The following SEPHS1 variants were observed in gnomAD, a reference collection of about 807,000 sequenced individuals.
SEPHS1 encodes selenophosphate synthetase 1.
A neutral mutation model predicts 39.2 loss-of-function variants in SEPHS1; 7 were observed. The ratio of observed to expected loss-of-function variants is 0.18; its 90% confidence interval spans 0.10 to 0.34. The LOEUF (loss-of-function observed/expected upper bound fraction) is 0.34. Among genes scored for constraint, SEPHS1 ranks in the 10% least tolerant of loss-of-function variants. SEPHS1 has a pLI of 1.00. For missense variants in SEPHS1, 253 were observed against 514.5 expected, an observed-to-expected ratio of 0.49 and a Z score of 4.92; for synonymous variants, 190 against 195.5, an observed-to-expected ratio of 0.97 and a Z score of 0.23.
intron 2 of SEPHS1, among the ~76,000 whole-genome samples, chr10:13,344,202 T>C (rs922065162): frequency 6.6e-6 from 1 of 152,056 alleles, no homozygotes; most frequent in Non-Finnish European, 1.5e-5. Flanking sequence ...GCCATCCAAG[T>C]ACAGCACAAG....
chr10:13,325,895 CAAAAAAAAAAAAAAAAAA>C lies in SEPHS1; in HGVS notation c.751+2438_751+2455del, dbSNP rs562038894. Among the ~76,000 whole-genome samples the C allele has an allele frequency of 4.2e-3, 111 of 26,430 alleles. 1 individual carries two copies. Among genetic ancestry groups the C allele is most frequent in the African/African-American group, 0.015 (71 of 4,758 alleles). 17.3% of individuals were successfully genotyped at this position (26,430 alleles called of 152,430 possible). On this transcript the variant is annotated intron_variant, in intron 7 of 8. Coordinates refer to ENST00000327347, the MANE Select transcript of SEPHS1 (RefSeq NM_012247.5). ...CCTGGGCGACAGCGAGACTCCGTCT[CAAAAAAAAAAAAAAAAAA>C]AAAAAAAAAAAAAAAAAAAAGAGAC... is the stretch of plus-strand genomic sequence containing the variant.
At chr10:13,345,667 G>T (rs985702463) in intron 1 of SEPHS1, among the ~76,000 whole-genome samples, 3 of 152,182 alleles carry the variant, frequency 2.0e-5, no homozygotes, top group Admixed American at 6.5e-5. Flanking sequence ...TGGATCACCT[G>T]AAGTCAGGAC....
At chr10:13,329,656 G>T in intron 6 of SEPHS1, 42 bp downstream of exon 6, 3 of 1,448,436 alleles carry the variant, frequency 2.1e-6, no homozygotes, top group Non-Finnish European at 2.9e-6. Flanking sequence ...ACCTGCAAAC[G>T]TACCATTCCC....
intron 7 of SEPHS1, among the ~76,000 whole-genome samples, chr10:13,325,847 G>A (rs1316425602): frequency 7.8e-6 from 1 of 127,882 alleles, no homozygotes; most frequent in African/African-American, 2.8e-5. Flanking sequence ...GCAGTGAGCC[G>A]AGATCACCCC....
In SEPHS1 at chr10:13,338,800, T is replaced by A; in HGVS notation, c.202A>T (p.Met68Leu). 1 of 1,613,042 alleles carries A rather than the reference T, an allele frequency of 6.2e-7. No individual in the cohort carries two copies. Among genetic ancestry groups the A allele is most frequent in the Non-Finnish European group, 8.5e-7 (1 of 1,178,980 alleles). ...CTCAAAGGAATGACACAAGTATCCA[T>A]TCCAATGCCTGTGGAGATGGAAGTC... ...GAVMPRLGIG[M>L]DTCVIPLRHG... The change falls in exon 3 of 9, where the codon ATG becomes TTG. Residue 68 changes from methionine to leucine, a missense_variant. Around this residue, in one of 4 missense-constraint regions of SEPHS1, gnomAD observed 123 missense variants for 196.8 expected, o/e 0.62. Transcript: ENST00000327347.
chr10:13,344,153 C>T (rs780338896), intron 2 of SEPHS1, among the ~76,000 whole-genome samples: 1 of 152,132 alleles, frequency 6.6e-6, no homozygotes, highest in Non-Finnish European at 1.5e-5. Context: ...GCCCGATGCA[C>T]CCTGCAGAGA....
chr10:13,328,611 T>C (rs539029638), intron 6 of SEPHS1, among the ~76,000 whole-genome samples, 161 bp from the exon 7 acceptor site: 1 of 152,346 alleles, frequency 6.6e-6, no homozygotes, highest in East Asian at 1.9e-4. Flanking sequence ...TGGATAGTAT[T>C]TTAGGTGTCC....
At position 13,342,683 on chromosome 10, in the gene SEPHS1, C is replaced by T. The variant is rs533445868; in HGVS notation, c.193+2075G>A. Among the ~76,000 whole-genome samples the T allele has an allele frequency of 3.3e-5, 5 of 152,074 alleles. No individual in the cohort carries two copies. The South Asian group carries it at 1.0e-3, about 32-fold the overall frequency. On this transcript the variant is annotated intron_variant, in intron 2 of 8. Coordinates refer to ENST00000327347, the MANE Select transcript of SEPHS1 (RefSeq NM_012247.5). ...CATACATGTATTATATATGTAAGTA[C>T]AGACATACATGGCACACCTACACAC...
At chr10:13,344,678 G>A (rs894545516) in intron 2 of SEPHS1, 80 bp downstream of exon 2, 2 of 1,010,246 alleles carry the variant, frequency 2.0e-6, no homozygotes, top group Non-Finnish European at 2.8e-6. Context: ...AAAATAAATA[G>A]GCAACATGGG....
intron 5 of SEPHS1, 59 bp from the exon 6 acceptor site, chr10:13,329,847 T>A: frequency 7.5e-7 from 1 of 1,326,964 alleles, no homozygotes. Flanking sequence ...AGCTCATTGT[T>A]ATTAACACAA....
intron 3 of SEPHS1, among the ~76,000 whole-genome samples, chr10:13,338,423 T>C (rs1833701429): frequency 6.6e-6 from 1 of 152,128 alleles, no homozygotes; most frequent in Non-Finnish European, 1.5e-5. Flanking sequence ...ATTGACATGC[T>C]ACTAAACAAG....
chr10:13,338,974 G>T, intron 2 of SEPHS1, 166 bp from the exon 3 acceptor site: 1 of 623,408 alleles, frequency 1.6e-6, no homozygotes, highest in South Asian at 1.9e-5. Flanking sequence ...AAATAAACGT[G>T]AAACATATCC....
rs1333276169 is a variant in SEPHS1 at position 13,328,396 on chromosome 10, C to A, written c.706G>T (p.Ala236Ser). ...ATGTTCATCATCGCCTCCTGGTAGG[C>A]CAGCTCTACATCTTCTTGGGTGACC... The part of the protein sequence containing the change: ...LVVTQEDVEL[A>S]YQEAMMNMAR... The change falls in exon 7 of 9, where the codon GCC (alanine) becomes TCC (serine). Residue 236 changes from alanine (A) to serine (S), a missense_variant. Ala to Ser is a moderately conservative substitution (Grantham distance 99). Transcript: ENST00000327347. The A allele has an allele frequency of 1.9e-6, 3 of 1,613,944 alleles. No individual in the cohort carries two copies. The South Asian group carries it at 3.3e-5, about 18-fold the overall frequency.
Position 13,322,797 on chromosome 10 carries a change from T to G in SEPHS1, c.964+38A>C, listed in dbSNP as rs369885078. On this transcript the variant is annotated intron_variant, in intron 8 of 8. Coordinates refer to ENST00000327347, the MANE Select transcript of SEPHS1 (RefSeq NM_012247.5). Reference sequence around the variant, plus strand: ...TTTCTCGCTGAGCTTTCTGTTAGCCTCACTATTTAGTCCTCAGATGCGCCC... The same window carrying G: ...TTTCTCGCTGAGCTTTCTGTTAGCCGCACTATTTAGTCCTCAGATGCGCCC... The G allele has an allele frequency of 3.5e-5, 56 of 1,586,354 alleles. No individual in the cohort carries two copies. In the East Asian group the frequency reaches 1.2e-3, roughly 34 times the overall value.
chr10:13,326,609 A>G (rs970101260), intron 7 of SEPHS1, among the ~76,000 whole-genome samples: 1 of 149,298 alleles, frequency 6.7e-6, no homozygotes, highest in Admixed American at 6.7e-5. Flanking sequence ...GCGTAGGGGT[A>G]TGATCACCAC....
At chr10:13,321,155 G>C (rs923885667) in intron 8 of SEPHS1, among the ~76,000 whole-genome samples, 1 of 152,144 alleles carries the variant, frequency 6.6e-6, no homozygotes, top group Non-Finnish European at 1.5e-5. Context: ...GGCCTACTAC[G>C]GAATCTCCCA....
intron 1 of SEPHS1, 66 bp from the exon 2 acceptor site, chr10:13,345,094 A>T: frequency 1.5e-6 from 1 of 681,988 alleles, no homozygotes; most frequent in South Asian, 3.4e-5. Context: ...CAGCGAATCA[A>T]GTGAATACAT....
chr10:13,347,051 C>A (rs549201314), intron 1 of SEPHS1, among the ~76,000 whole-genome samples: 10 of 152,254 alleles, frequency 6.6e-5, no homozygotes, highest in African/African-American at 2.2e-4. Context: ...ATTAGGGAAC[C>A]AGGGGGATCC....
chr10:13,323,481 A>G (rs1833173151), intron 7 of SEPHS1, among the ~76,000 whole-genome samples: 1 of 152,042 alleles, frequency 6.6e-6, no homozygotes, highest in South Asian at 2.1e-4. Context: ...CAGCCTCCTG[A>G]ATAGCTGGGA....
Sources: allele counts gnomAD v4.1 joint callset (sites outside exome capture counted in the v4.1 genomes callset), GRCh38; gene constraint gnomAD v4.1.1; regional missense constraint gnomAD v4.1.1; transcripts MANE v1.5; gene names NCBI Gene and HGNC (gene_info 2026-07-23, HGNC 2026-07-21).